The following C6 variants were observed in gnomAD, a reference collection of about 807,000 sequenced individuals.
The protein encoded by C6 is complement component C6.
Under a neutral mutation model 112.9 loss-of-function variants are expected in C6, and 101 were observed. The ratio of observed to expected loss-of-function variants is 0.89; its 90% CI spans 0.76 to 1.06. The LOEUF (loss-of-function observed/expected upper bound fraction) is 1.06. Among genes scored for constraint, C6 ranks in the 50% least tolerant of loss-of-function variants. The pLI, the probability that C6 is intolerant of heterozygous loss-of-function variation, is 0.00. For synonymous variants in C6, 431 were observed against 384.1 expected, an observed-to-expected ratio of 1.12 and a Z score of -1.43; for missense variants, 1,202 against 1,104.6, an observed-to-expected ratio of 1.09 and a Z score of -1.25.
Position 41,159,090 on chromosome 5 carries a change from C to A in C6, c.1848G>T (p.Met616Ile). Residue 616 changes from methionine (M) to isoleucine (I), a missense_variant, in exon 12 of 18, where the codon ATG (methionine) becomes ATT (isoleucine). Met to Ile is a conservative substitution (Grantham distance 10). Transcript: ENST00000337836. ...CCCTTACCCGGCCTTACTTGTTTTC[C>A]ATGATTGAAAATGTGCAGTCTTCCT... ...RQEEDCTFSI[M>I]ENNGQPCIND... 1 of 1,613,612 alleles carries A rather than the reference C, an allele frequency of 6.2e-7. No homozygotes were observed. Among genetic ancestry groups the A allele is most frequent in the Non-Finnish European group, 8.5e-7 (1 of 1,179,680 alleles).
intron 13 of C6, among the ~76,000 whole-genome samples, chr5:41,157,113 A>G (rs974716683): frequency 3.3e-5 from 5 of 152,244 alleles, no homozygotes; most frequent in African/African-American, 1.2e-4. Context: ...TTATTAGGAA[A>G]AAATAAAATT....
In C6 at chr5:41,199,636, A is replaced by G. The variant is rs538831795; in HGVS notation, c.445+132T>C. The G allele has an allele frequency of 8.7e-6, 8 of 923,226 alleles. No individual in the cohort carries two copies. The African/African-American group carries it at 1.3e-4, about 15-fold the overall frequency. 57.2% of individuals were successfully genotyped at this position (923,226 alleles called of 1,614,324 possible). On this transcript the variant is annotated intron_variant, in intron 4 of 17. Coordinates refer to ENST00000337836, the MANE Select transcript of C6 (RefSeq NM_000065.5). ...ATATCTTGGGAATTGGCAGCATAACATTCCCATTCCACTCTGCTTAAAATG... is the reference window on the plus strand; with the variant it reads ...ATATCTTGGGAATTGGCAGCATAACGTTCCCATTCCACTCTGCTTAAAATG...
upstream of C6, among the ~76,000 whole-genome samples, chr5:41,217,344 C>T (rs1304362131): frequency 6.6e-6 from 1 of 152,016 alleles, no homozygotes; most frequent in Non-Finnish European, 1.5e-5. Flanking sequence ...TTCAAAGTTC[C>T]TTTATACTGA....
intron 7 of C6, among the ~76,000 whole-genome samples, chr5:41,178,942 C>T (rs1164245784): frequency 3.9e-5 from 6 of 152,180 alleles, no homozygotes; most frequent in Admixed American, 2.0e-4. Flanking sequence ...CAACCTCCGC[C>T]TCCCGGGTTC....
At position 41,223,220 on chromosome 5, in the gene C6, C is replaced by T. The variant is rs530779186; in HGVS notation, c.-20-19970G>A. On this transcript the variant is annotated intron_variant, in intron 1 of 17. Coordinates refer to the C6 transcript ENST00000263413. ...CACTGGGCACTGGGGCGATATATGT[C>T]AGGGGAGGCAGGAAACAAAGAAAGC... Among the ~76,000 whole-genome samples, 349 of 152,080 alleles carry T rather than the reference C, an allele frequency of 2.3e-3. No individual in the cohort carries two copies. In the Middle Eastern group the frequency reaches 0.027, roughly 12 times the overall value.
chr5:41,210,656 A>G (rs1469853717), intron 1 of C6, among the ~76,000 whole-genome samples: 2 of 152,208 alleles, frequency 1.3e-5, no homozygotes, highest in African/African-American at 4.8e-5. Flanking sequence ...ATCGCTGGCC[A>G]TCAGAGAAAT....
intron 1 of C6, among the ~76,000 whole-genome samples, chr5:41,238,634 G>A (rs569660292): frequency 5.3e-5 from 8 of 152,152 alleles, no homozygotes; most frequent in Non-Finnish European, 1.0e-4. Context: ...GCTGACAAAT[G>A]ATTAACACTT....
chr5:41,152,306 G>C (rs1450336518), intron 15 of C6, among the ~76,000 whole-genome samples: 1 of 151,988 alleles, frequency 6.6e-6, no homozygotes, highest in African/African-American at 2.4e-5. Context: ...AGTGACACTG[G>C]GGGTGTATTT....
intron 1 of C6, among the ~76,000 whole-genome samples, chr5:41,226,029 G>T (rs147018244): frequency 1.4e-4 from 21 of 152,202 alleles, no homozygotes; most frequent in African/African-American, 4.8e-4. Flanking sequence ...TACCATTCAG[G>T]ACATAGGCAT....
intron 7 of C6, among the ~76,000 whole-genome samples, chr5:41,180,905 T>G (rs780715575): frequency 6.6e-5 from 10 of 150,646 alleles, no homozygotes; most frequent in Non-Finnish European, 1.0e-4. Flanking sequence ...AAAATGGAGA[T>G]AGGTAAATGT....
At chr5:41,153,305 T>A (rs1388716794) in intron 15 of C6, among the ~76,000 whole-genome samples, 1 of 152,252 alleles carries the variant, frequency 6.6e-6, no homozygotes, top group African/African-American at 2.4e-5. Context: ...TGGATTATAA[T>A]TTTAATTTCT....
At chr5:41,182,787 G>C (rs942164550) in intron 6 of C6, among the ~76,000 whole-genome samples, 7 of 152,210 alleles carry the variant, frequency 4.6e-5, no homozygotes, top group Non-Finnish European at 8.8e-5. Flanking sequence ...ATTTTTGTTT[G>C]AAGAAATACC....
chr5:41,252,720 A>G (rs1741443691), intron 1 of C6, among the ~76,000 whole-genome samples: 1 of 152,136 alleles, frequency 6.6e-6, no homozygotes, highest in African/African-American at 2.4e-5. Context: ...TTCTGATAAG[A>G]GACATTTACC....
At chr5:41,176,332 T>A in intron 8 of C6, 143 bp downstream of exon 8, 2 of 887,150 alleles carry the variant, frequency 2.3e-6, no homozygotes, top group South Asian at 3.6e-5. Flanking sequence ...GAATGTGTAT[T>A]TTTTATCATT....
At chr5:41,249,069 T>C (rs757035863) in intron 1 of C6, among the ~76,000 whole-genome samples, 9 of 152,190 alleles carry the variant, frequency 5.9e-5, no homozygotes, top group Non-Finnish European at 1.2e-4. Flanking sequence ...AACTGAATAC[T>C]GTATATTCTC....
chr5:41,232,269 A>G (rs913698045), intron 1 of C6, among the ~76,000 whole-genome samples: 5 of 152,080 alleles, frequency 3.3e-5, no homozygotes, highest in African/African-American at 1.2e-4. Flanking sequence ...TGGCCGTCTT[A>G]GTAGCCCTTA....
intron 5 of C6, among the ~76,000 whole-genome samples, chr5:41,187,207 C>T (rs190625365): frequency 3.3e-5 from 5 of 152,264 alleles, no homozygotes; most frequent in Admixed American, 2.0e-4. Context: ...CCCTTCCCTT[C>T]TCATGACCCT....
chr5:41,215,169 C>A (rs530912337), upstream of C6, among the ~76,000 whole-genome samples: 1 of 152,246 alleles, frequency 6.6e-6, no homozygotes, highest in South Asian at 2.1e-4. Context: ...AATAAAGTCA[C>A]ACAATTGGCC....
intron 1 of C6, among the ~76,000 whole-genome samples, chr5:41,252,759 G>A (rs1353645443): frequency 6.6e-5 from 10 of 152,018 alleles, no homozygotes. Context: ...TTGCTACCTG[G>A]AGGCTTCATC....
Sources: allele counts gnomAD v4.1 joint callset (sites outside exome capture counted in the v4.1 genomes callset), GRCh38; gene constraint gnomAD v4.1.1; transcripts MANE v1.5; gene names NCBI Gene and HGNC (gene_info 2026-07-23, HGNC 2026-07-21).